The following UNC13C variants were observed in gnomAD, a reference collection of about 807,000 sequenced individuals.
UNC13C encodes unc-13 homolog C.
UNC13C carries 174 observed loss-of-function variants against 245.4 expected under a neutral mutation model. The observed-to-expected ratio is 0.71, with a 90% CI of 0.63 to 0.80. UNC13C has a LOEUF of 0.80. Ranked by LOEUF, UNC13C falls within the 30% of genes least tolerant of loss-of-function variation. UNC13C has a pLI of 0.00. For synonymous variants in UNC13C, 992 were observed against 895.1 expected (o/e 1.11, Z -1.93); for missense variants, 2,829 against 2,602.9 (o/e 1.09, Z -1.89).
At chr15:54,372,257 A>G (rs1158221163) in intron 17 of UNC13C, among the ~76,000 whole-genome samples, 3 of 152,136 alleles carry the variant, frequency 2.0e-5, no homozygotes, top group Non-Finnish European at 4.4e-5. Context: ...ATTAAAAAAT[A>G]TAGTAATATG....
chr15:54,086,625 A>C (rs1289927100), intron 2 of UNC13C, among the ~76,000 whole-genome samples: 1 of 152,132 alleles, frequency 6.6e-6, no homozygotes, highest in East Asian at 1.9e-4. Flanking sequence ...ATGGCGAAAA[A>C]CAGGAATTAT....
At chr15:54,310,776 CTATA>C (rs1032512420) in intron 13 of UNC13C, among the ~76,000 whole-genome samples, 1 of 95,882 alleles carries the variant, frequency 1.0e-5, no homozygotes, top group Non-Finnish European at 2.2e-5. Context: ...ATATCTATAT[CTATA>C]TATATGTACA....
intron 1 of UNC13C, among the ~76,000 whole-genome samples, chr15:54,005,380 T>C (rs1895088883): frequency 6.6e-6 from 1 of 152,114 alleles, no homozygotes; most frequent in South Asian, 2.1e-4. Context: ...ACCGGTCACG[T>C]TGGTTGCAAT....
At position 54,401,032 on chromosome 15, in the gene UNC13C, C is replaced by T. The variant is rs539190036; in HGVS notation, c.4847+7851C>T. Among the ~76,000 whole-genome samples the T allele has an allele frequency of 5.9e-5, 9 of 152,228 alleles. No individual in the cohort carries two copies. In the South Asian group the frequency reaches 1.4e-3, roughly 25 times the overall value. ...TTTTATAAGGTTACCATTTCTTCAA[C>T]ATTTATTCATTAGAATTTTTTGTAA... On this transcript the variant is annotated intron_variant, in intron 18 of 32. Coordinates refer to ENST00000260323, the MANE Select transcript of UNC13C (RefSeq NM_001080534.3).
chr15:54,305,805 A>G (rs1021204759), intron 13 of UNC13C, among the ~76,000 whole-genome samples: 9 of 152,080 alleles, frequency 5.9e-5, no homozygotes, highest in Non-Finnish European at 5.9e-5. Context: ...GAAAAAGACA[A>G]AAGTCCTTAA....
At chr15:54,280,273 A>G (rs2036941505) in intron 10 of UNC13C, among the ~76,000 whole-genome samples, 1 of 152,034 alleles carries the variant, frequency 6.6e-6, no homozygotes, top group South Asian at 2.1e-4. Flanking sequence ...AATGAAATAC[A>G]ATATACTTAT....
At chr15:54,618,364 T>C (rs1442901178) in intron 30 of UNC13C, among the ~76,000 whole-genome samples, 1 of 152,186 alleles carries the variant, frequency 6.6e-6, no homozygotes, top group African/African-American at 2.4e-5. Context: ...CAGATGGTGA[T>C]TTCACATGTA....
chr15:54,012,870 T>C lies in UNC13C; in HGVS notation c.-34T>C. 1 of 1,504,864 alleles carries C rather than the reference T, an allele frequency of 6.6e-7. No homozygotes were observed. Among genetic ancestry groups the C allele is most frequent in the Non-Finnish European group, 9.0e-7 (1 of 1,115,210 alleles). The allele number at this position is 1,504,864 out of a possible 1,614,324, so 93.2% of individuals were successfully genotyped here. On this transcript the variant is annotated 5_prime_UTR_variant, in exon 2 of 33. Transcript: ENST00000260323. ...TTTCATCCTGATACTTGTTTACTTT[T>C]CTGGGGCAGAAAAGCTTGCACTAAT... is the stretch of plus-strand genomic sequence containing the variant.
At position 54,264,199 on chromosome 15, in the gene UNC13C, C is replaced by T. The variant is rs900060016; in HGVS notation, c.3480C>T (p.Ala1160=). ...RAAEKSSKHG[A]EDKTQTIITA... ...CAGAAAAGAGTTCTAAACATGGTGC[C>T]GAAGACAAGACTCAGACCATTATTA... is the stretch of plus-strand genomic sequence containing the variant. Residue 1160 remains alanine (A), a synonymous_variant, in exon 9 of 33, where the codon GCC becomes GCT. Coordinates refer to ENST00000260323, the MANE Select transcript of UNC13C (RefSeq NM_001080534.3). 15 of 1,586,744 alleles carry T rather than the reference C, an allele frequency of 9.5e-6. No individual in the cohort carries two copies. Among genetic ancestry groups the T allele is most frequent in the East Asian group, 9.1e-5 (4 of 43,934 alleles).
chr15:54,372,446 C>A (rs927190065), intron 17 of UNC13C, among the ~76,000 whole-genome samples: 7 of 152,028 alleles, frequency 4.6e-5, no homozygotes, highest in African/African-American at 1.7e-4. Flanking sequence ...CCTTAATACT[C>A]GTGACCCAAG....
intron 4 of UNC13C, among the ~76,000 whole-genome samples, chr15:54,233,218 T>C (rs2035598925): frequency 6.6e-6 from 1 of 152,154 alleles, no homozygotes; most frequent in Non-Finnish European, 1.5e-5. Context: ...AGGGAAATCA[T>C]ATTAGCTATT....
chr15:54,050,197 C>T, intron 2 of UNC13C: 1 of 512,464 alleles, frequency 2.0e-6, no homozygotes, highest in Non-Finnish European at 3.9e-6. Context: ...GTTTTGAACT[C>T]CTGACCTCAG....
intron 10 of UNC13C, among the ~76,000 whole-genome samples, chr15:54,287,485 T>G (rs898447373): frequency 6.6e-6 from 1 of 152,242 alleles, no homozygotes; most frequent in Admixed American, 6.5e-5. Flanking sequence ...AAGCCACAGC[T>G]TTATCAAAGA....
At chr15:53,895,367 A>G in the UNC13C span, among the ~76,000 whole-genome samples, 98 of 150,894 alleles carry the variant, frequency 6.5e-4, 2 homozygotes, top group South Asian at 0.02. Flanking sequence ...AAAAAAAAAA[A>G]AAAGAAAGAA....
intron 4 of UNC13C, among the ~76,000 whole-genome samples, chr15:54,213,135 GTT>G (rs1341561645): frequency 6.6e-6 from 1 of 151,920 alleles, no homozygotes; most frequent in Non-Finnish European, 1.5e-5. Context: ...CTATATGCTT[GTT>G]TTTGCTTTAG....
chr15:54,144,819 A>G (rs912917008), intron 4 of UNC13C, among the ~76,000 whole-genome samples: 1 of 152,160 alleles, frequency 6.6e-6, no homozygotes, highest in African/African-American at 2.4e-5. Flanking sequence ...TATAGATACT[A>G]TGGTAAATAT....
At chr15:54,340,539 G>A (rs935893669) in intron 17 of UNC13C, among the ~76,000 whole-genome samples, 1 of 152,048 alleles carries the variant, frequency 6.6e-6, no homozygotes, top group Non-Finnish European at 1.5e-5. Context: ...TTGTTGAATA[G>A]GGTATTCTTT....
At chr15:54,463,646 C>G (rs922528731) in intron 19 of UNC13C, among the ~76,000 whole-genome samples, 3 of 152,104 alleles carry the variant, frequency 2.0e-5, no homozygotes, top group Non-Finnish European at 2.9e-5. Flanking sequence ...CCGAACACAT[C>G]CGAACATCAG....
the UNC13C span, among the ~76,000 whole-genome samples, chr15:53,874,804 A>T: frequency 4.6e-5 from 7 of 152,214 alleles, no homozygotes; most frequent in Non-Finnish European, 8.8e-5. Context: ...TAAATAATTT[A>T]AAAAATCTTG....
Sources: gnomAD v4.1 joint callset for allele counts (sites outside exome capture counted in the v4.1 genomes callset) on GRCh38, gnomAD v4.1.1 for gene constraint, MANE v1.5 for transcripts, NCBI Gene and HGNC (gene_info 2026-07-23, HGNC 2026-07-21) for gene names.